ERC1: variants seen among roughly 807,000 people sequenced by gnomAD.
The protein encoded by ERC1 is ELKS/RAB6-interacting/CAST family member 1, also known as RAB6 interacting protein 2.
ERC1 carries 56 observed loss-of-function variants against 132.0 expected under a neutral mutation model. That is an observed-to-expected ratio of 0.42 (90% CI 0.34 to 0.53). The LOEUF is 0.53. Ranked by LOEUF, ERC1 falls within the 20% of genes least tolerant of loss-of-function variation. ERC1 has a pLI of 0.03. For missense variants in ERC1, 1,202 were observed against 1,349.9 expected (o/e 0.89, Z 1.72); for synonymous variants, 478 against 476.1 (o/e 1.00, Z -0.05).
At chr12:1,041,596 A>C (rs1274570696) in intron 2 of ERC1, among the ~76,000 whole-genome samples, 3 of 152,226 alleles carry the variant, frequency 2.0e-5, no homozygotes, top group African/African-American at 7.2e-5. Flanking sequence ...CTGCCACTAG[A>C]GTGCTCACTA....
intron 14 of ERC1, among the ~76,000 whole-genome samples, chr12:1,279,100 T>C (rs1486909080): frequency 1.3e-5 from 2 of 152,164 alleles, no homozygotes; most frequent in Non-Finnish European, 2.9e-5. Context: ...AAGATAAAGC[T>C]AAAGATCTTT....
chr12:1,036,747 C>A (rs1205389232), intron 2 of ERC1, among the ~76,000 whole-genome samples: 1 of 152,110 alleles, frequency 6.6e-6, no homozygotes, highest in Non-Finnish European at 1.5e-5. Context: ...AATTTGGGAT[C>A]TATGTCTTAG....
intron 16 of ERC1, among the ~76,000 whole-genome samples, chr12:1,407,717 T>G (rs769831797): frequency 3.9e-5 from 6 of 152,192 alleles, no homozygotes; most frequent in Non-Finnish European, 7.3e-5. Context: ...CAAGGTAGTG[T>G]TTGATTCAGT....
intron 4 of ERC1, among the ~76,000 whole-genome samples, chr12:1,108,750 A>G (rs1945527170): frequency 6.6e-6 from 1 of 152,224 alleles, no homozygotes; most frequent in Admixed American, 6.5e-5. Context: ...TTGAACAGGT[A>G]CATTTTAAGT....
intron 17 of ERC1, among the ~76,000 whole-genome samples, chr12:1,421,290 A>T (rs975691517): frequency 6.6e-6 from 1 of 152,232 alleles, no homozygotes; most frequent in Non-Finnish European, 1.5e-5. Flanking sequence ...ACACTGAGAC[A>T]GCAGCATTGC....
chr12:1,058,875 T>C (rs1973514931), intron 2 of ERC1, among the ~76,000 whole-genome samples: 1 of 145,726 alleles, frequency 6.9e-6, no homozygotes, highest in African/African-American at 2.5e-5. Context: ...CACTGAAACC[T>C]CAAACTCTTG....
intron 7 of ERC1, among the ~76,000 whole-genome samples, chr12:1,139,592 C>G (rs1047058103): frequency 6.6e-6 from 1 of 151,964 alleles, no homozygotes; most frequent in African/African-American, 2.4e-5. Flanking sequence ...TTATATTCTT[C>G]GACGACAAGG....
rs1296893322 is a variant in ERC1 at position 1,329,229 on chromosome 12, G to A, written c.2780+39217G>A. The stretch of plus-strand genomic sequence containing the variant: ...GAATCACTTGAACCCCAGAGGCGGA[G>A]GTTGGAGTGAGCCAAGATCACGCCA... On this transcript the variant is annotated intron_variant, in intron 15 of 18. Coordinates refer to ENST00000360905, the MANE Select transcript of ERC1 (RefSeq NM_178040.4). 2.2e-4 allele frequency among the ~76,000 whole-genome samples: 32 copies of A among 145,562 alleles called. 1 individual carries two copies. The highest frequency in any genetic ancestry group is 7.8e-4 in the African/African-American group (30 of 38,522).
intron 17 of ERC1, among the ~76,000 whole-genome samples, chr12:1,440,346 A>C (rs2154407764): frequency 6.7e-6 from 1 of 148,726 alleles, no homozygotes; most frequent in South Asian, 2.1e-4. Flanking sequence ...CTGGGACTAC[A>C]GACGCCCGCC....
chr12:1,156,205 G>A (rs1198649990), intron 8 of ERC1, among the ~76,000 whole-genome samples: 2 of 151,836 alleles, frequency 1.3e-5, no homozygotes, highest in Non-Finnish European at 2.9e-5. Flanking sequence ...AGATTTACAG[G>A]TAGATGAAGA....
At chr12:1,220,049 T>C (rs970483551) in intron 12 of ERC1, among the ~76,000 whole-genome samples, 2 of 152,138 alleles carry the variant, frequency 1.3e-5, no homozygotes, top group African/African-American at 4.8e-5. Flanking sequence ...ACCTATCAGC[T>C]TTTTTGTTGT....
chr12:1,493,877 A>G lies in ERC1; in HGVS notation c.*3647A>G, dbSNP rs1263501822. 1 of 229,318 alleles carries G rather than the reference A, an allele frequency of 4.4e-6. No individual in the cohort carries two copies. Among genetic ancestry groups the G allele is most frequent in the African/African-American group, 2.2e-5 (1 of 45,016 alleles). The allele number at this position is 229,318 out of a possible 1,614,324, so 14.2% of individuals were successfully genotyped here. ...AGACACGGTCTTAGCCACCTGCTGA[A>G]CTAATCCCTCCGCTATTGAGGGTCA... On this transcript the variant is annotated 3_prime_UTR_variant, in exon 19 of 19. Coordinates refer to ENST00000360905, the MANE Select transcript of ERC1 (RefSeq NM_178040.4).
In ERC1 at chr12:1,454,479, A is replaced by T. The variant is rs528218070; in HGVS notation, c.3213+9729A>T. On this transcript the variant is annotated intron_variant, in intron 18 of 18. Transcript: ENST00000360905. The stretch of plus-strand genomic sequence containing the variant: ...ATTGGCATCTGAAGCTGGAGGGTGG[A>T]TACTGTGGGACTGAGCCCTTAATCT... Among the ~76,000 whole-genome samples, 5 of 152,244 alleles carry T rather than the reference A, an allele frequency of 3.3e-5. No homozygotes were observed. In the South Asian group the frequency reaches 6.2e-4, roughly 19 times the overall value.
intron 15 of ERC1, among the ~76,000 whole-genome samples, chr12:1,315,914 C>T (rs986713379): frequency 6.6e-5 from 10 of 150,380 alleles, no homozygotes; most frequent in Admixed American, 4.0e-4. Flanking sequence ...TTTTTTGAGA[C>T]GGAGTCTCAC....
At chr12:1,383,595 C>G (rs2088961470) in intron 16 of ERC1, among the ~76,000 whole-genome samples, 1 of 152,158 alleles carries the variant, frequency 6.6e-6, no homozygotes, top group Non-Finnish European at 1.5e-5. Context: ...GATCACACCA[C>G]TGCACTCCAG....
In ERC1 at chr12:1,286,876, A is replaced by T. The variant is rs2079076280; in HGVS notation, c.2620-2976A>T. Among the ~76,000 whole-genome samples the T allele has an allele frequency of 2.0e-5, 3 of 152,356 alleles. No homozygotes were observed. In the South Asian group the frequency reaches 6.2e-4, roughly 32 times the overall value. On this transcript the variant is annotated intron_variant, in intron 14 of 18. Coordinates refer to ENST00000360905, the MANE Select transcript of ERC1 (RefSeq NM_178040.4). ...GAAAAATTATTAAACTTTATGAAAG[A>T]TATTAAAGTTCTAAAAATATATCTA...
At chr12:1,344,714 C>T (rs1184505734) in intron 15 of ERC1, among the ~76,000 whole-genome samples, 1 of 152,168 alleles carries the variant, frequency 6.6e-6, no homozygotes, top group Non-Finnish European at 1.5e-5. Context: ...CTGCCATGTG[C>T]CAGATTCCTG....
At chr12:1,250,736 T>G (rs2076421652) in intron 13 of ERC1, among the ~76,000 whole-genome samples, 1 of 152,196 alleles carries the variant, frequency 6.6e-6, no homozygotes, top group Non-Finnish European at 1.5e-5. Context: ...GATACACCTT[T>G]CAGCAAGGCT....
chr12:1,334,243 C>CT (rs1361096647), intron 15 of ERC1, among the ~76,000 whole-genome samples: 3 of 152,126 alleles, frequency 2.0e-5, no homozygotes, highest in Non-Finnish European at 4.4e-5. Context: ...TTACATAGAT[C>CT]CTGTTCATCA....
Sources: gnomAD v4.1 joint callset for allele counts (sites outside exome capture counted in the v4.1 genomes callset) on GRCh38, gnomAD v4.1.1 for gene constraint, MANE v1.5 for transcripts, NCBI Gene and HGNC (gene_info 2026-07-23, HGNC 2026-07-21) for gene names.